The following KCNT2 variants were observed in gnomAD, a reference collection of about 807,000 sequenced individuals.
KCNT2 encodes potassium sodium-activated channel subfamily T member 2.
KCNT2 carries 67 observed loss-of-function variants against 153.8 expected under a neutral mutation model. The observed-to-expected ratio is 0.44, with a 90% CI of 0.36 to 0.53. KCNT2 has a LOEUF of 0.53. Ranked by LOEUF, KCNT2 falls within the 20% of genes least tolerant of loss-of-function variation. The probability of loss-of-function intolerance (pLI) is 0.00; values close to 1 mark genes in which losing one functional copy is unlikely to be tolerated. For synonymous variants in KCNT2, 500 were observed against 458.8 expected (o/e 1.09, Z -1.15); for missense variants, 975 against 1,354.8 (o/e 0.72, Z 4.40).
chr1:196,474,329 A>G (rs1231266640), intron 5 of KCNT2, among the ~76,000 whole-genome samples: 1 of 152,208 alleles, frequency 6.6e-6, no homozygotes, highest in Non-Finnish European at 1.5e-5. Context: ...AATGTTAAGA[A>G]TACCTGTATT....
intron 13 of KCNT2, among the ~76,000 whole-genome samples, chr1:196,383,327 A>G (rs1302219232): frequency 1.3e-5 from 2 of 152,152 alleles, no homozygotes; most frequent in Non-Finnish European, 2.9e-5. Context: ...TTAGTAGTCT[A>G]TATGTTTTCC....
At chr1:196,421,555 C>T (rs1673202789) in intron 12 of KCNT2, among the ~76,000 whole-genome samples, 1 of 152,000 alleles carries the variant, frequency 6.6e-6, no homozygotes, top group Non-Finnish European at 1.5e-5. Context: ...TAAAGTAGTG[C>T]TTAAATGAAC....
At chr1:196,297,300 T>C (rs1244029572) in intron 22 of KCNT2, among the ~76,000 whole-genome samples, 1 of 152,162 alleles carries the variant, frequency 6.6e-6, no homozygotes, top group Non-Finnish European at 1.5e-5. Context: ...CTTAGTTACA[T>C]AAATTCATTA....
intron 8 of KCNT2, among the ~76,000 whole-genome samples, chr1:196,435,175 A>ATG: frequency 7.3e-6 from 1 of 137,346 alleles, no homozygotes; most frequent in Non-Finnish European, 1.6e-5. Flanking sequence ...ATATATATAT[A>ATG]TATATATGAA....
At chr1:196,415,257 C>T (rs1395487115) in intron 12 of KCNT2, among the ~76,000 whole-genome samples, 1 of 151,772 alleles carries the variant, frequency 6.6e-6, no homozygotes, top group Non-Finnish European at 1.5e-5. Context: ...TTCTACTATC[C>T]TGATTGAGTT....
At chr1:196,520,222 T>C (rs1653173687) in intron 1 of KCNT2, among the ~76,000 whole-genome samples, 1 of 152,070 alleles carries the variant, frequency 6.6e-6, no homozygotes, top group Non-Finnish European at 1.5e-5. Context: ...ATCATCTCAA[T>C]AGATGCAGAA....
At chr1:196,470,955 C>T (rs1282031667) in intron 5 of KCNT2, among the ~76,000 whole-genome samples, 3 of 150,284 alleles carry the variant, frequency 2.0e-5, no homozygotes, top group Non-Finnish European at 4.4e-5. Context: ...TCTCGGCTCA[C>T]TGCAAGCTCC....
intron 1 of KCNT2, among the ~76,000 whole-genome samples, chr1:196,519,470 A>G (rs1653052822): frequency 6.6e-6 from 1 of 152,294 alleles, no homozygotes; most frequent in Non-Finnish European, 1.5e-5. Flanking sequence ...AGAGATTGAG[A>G]CAAGAAAAAC....
At chr1:196,455,463 T>G (rs946368661) in intron 8 of KCNT2, among the ~76,000 whole-genome samples, 2 of 151,976 alleles carry the variant, frequency 1.3e-5, no homozygotes, top group Non-Finnish European at 2.9e-5. Context: ...GAGATGGTGG[T>G]TTTTTTCTAA....
At position 196,465,381 on chromosome 1, in the gene KCNT2, G is replaced by A; in HGVS notation, c.550C>T (p.Leu184=). The A allele has an allele frequency of 6.3e-7, 1 of 1,590,744 alleles. No individual in the cohort carries two copies. ...KHALENMIND[L]HRAIQRTQSA... ...TGTGTACGCTGAATGGCTCTGTGTA[G>A]ATCATTCTAAAATAATACAGAAAAA... The change falls in exon 8 of 28, where the codon CTA becomes TTA. Residue 184 remains leucine, a synonymous_variant. Transcript: ENST00000294725.
At chr1:196,323,684 T>A (rs1663557026) in intron 19 of KCNT2, among the ~76,000 whole-genome samples, 1 of 151,980 alleles carries the variant, frequency 6.6e-6, no homozygotes. Flanking sequence ...CCCATGCTTA[T>A]TACATCTGCT....
At chr1:196,583,000 T>G (rs1192542188) in intron 1 of KCNT2, among the ~76,000 whole-genome samples, 1 of 151,890 alleles carries the variant, frequency 6.6e-6, no homozygotes, top group Non-Finnish European at 1.5e-5. Context: ...TGATAACTGG[T>G]CAAAAAATAG....
At chr1:196,498,393 C>T (rs546225224) in intron 1 of KCNT2, among the ~76,000 whole-genome samples, 151 of 152,212 alleles carry the variant, frequency 9.9e-4, no homozygotes, top group African/African-American at 3.4e-3. Flanking sequence ...AAGGTTCTTC[C>T]TCTGTGTCTA....
At chr1:196,371,130 T>C (rs1190793151) in intron 14 of KCNT2, among the ~76,000 whole-genome samples, 1 of 148,480 alleles carries the variant, frequency 6.7e-6, no homozygotes, top group Non-Finnish European at 1.5e-5. Context: ...AGGTCTGTAA[T>C]TCCAGCACTT....
chr1:196,525,465 T>C (rs1289241516), intron 1 of KCNT2, among the ~76,000 whole-genome samples: 1 of 152,230 alleles, frequency 6.6e-6, no homozygotes, highest in Admixed American at 6.5e-5. Flanking sequence ...TGATATACCT[T>C]ACAGAGAAAT....
chr1:196,465,212 G>A (rs932159330), intron 8 of KCNT2, 81 bp downstream of exon 8: 3 of 742,492 alleles, frequency 4.0e-6, no homozygotes, highest in Admixed American at 5.2e-5. Context: ...AACTATTAAT[G>A]AAAGTTATTT....
intron 16 of KCNT2, among the ~76,000 whole-genome samples, chr1:196,334,487 C>CTTTCTTTTTTTTTTTTTTTTT (rs1553288400): frequency 2.1e-4 from 18 of 87,266 alleles, no homozygotes; most frequent in Admixed American, 4.1e-4. Context: ...TTCTTTCTTT[C>CTTTCTTTTTTTTTTTTTTTTT]TTTTTTTTTT....
At chr1:196,299,092 G>C (rs1354896517) in intron 22 of KCNT2, among the ~76,000 whole-genome samples, 1 of 151,912 alleles carries the variant, frequency 6.6e-6, no homozygotes, top group East Asian at 1.9e-4. Context: ...TTAATAAAAG[G>C]CTTTGTGAAA....
intron 12 of KCNT2, among the ~76,000 whole-genome samples, chr1:196,421,757 T>C (rs1168744354): frequency 6.6e-6 from 1 of 152,022 alleles, no homozygotes; most frequent in Non-Finnish European, 1.5e-5. Flanking sequence ...CAACAGAATG[T>C]TATTGTCTCA....
Sources: gnomAD v4.1 joint callset for allele counts (sites outside exome capture counted in the v4.1 genomes callset) on GRCh38, gnomAD v4.1.1 for gene constraint, MANE v1.5 for transcripts, NCBI Gene and HGNC (gene_info 2026-07-23, HGNC 2026-07-21) for gene names.